Variants in USP6NL observed in about 807,000 individuals in gnomAD.
The protein encoded by USP6NL is USP6 N-terminal-like protein.
A neutral mutation model predicts 61.9 loss-of-function variants in USP6NL; 26 were observed. That is an observed-to-expected ratio of 0.42 (90% CI 0.31 to 0.58). USP6NL has a LOEUF of 0.58. Among genes scored for constraint, USP6NL ranks in the 20% least tolerant of loss-of-function variants. The pLI, the probability that USP6NL is intolerant of heterozygous loss-of-function variation, is 0.16. For missense variants in USP6NL, 1,114 were observed against 1,034.3 expected, an observed-to-expected ratio of 1.08 and a Z score of -1.06; for synonymous variants, 432 against 390.1, an observed-to-expected ratio of 1.11 and a Z score of -1.27.
In USP6NL at chr10:11,596,017, C is replaced by G. The variant is rs545598581; in HGVS notation, c.4+1614G>C. Among the ~76,000 whole-genome samples, 1 of 152,240 alleles carries G rather than the reference C, an allele frequency of 6.6e-6. No homozygotes were observed. The highest frequency in any genetic ancestry group is 1.9e-4 in the East Asian group (1 of 5,178). The stretch of plus-strand genomic sequence containing the variant: ...TTCCTCCCCTCTGCCTTCATCCTCG[C>G]AAGACTTTGATCTTTGTTTTCTAGG... On this transcript the variant is annotated intron_variant, in intron 2 of 14. Transcript: ENST00000609104. This position sits in a 1 kb window ranked among gnomAD's most constrained non-coding sequence, Gnocchi z 4.1.
Position 11,468,500 on chromosome 10 carries a change from C to T in USP6NL, c.1079-4651G>A, listed in dbSNP as rs537075421. 1.4e-4 allele frequency among the ~76,000 whole-genome samples: 21 copies of T among 152,346 alleles called. No homozygotes were observed. Among genetic ancestry groups the T allele is most frequent in the Non-Finnish European group, 2.4e-4 (16 of 68,030 alleles). On this transcript the variant is annotated intron_variant, in intron 14 of 14. Transcript: ENST00000609104. The surrounding 1 kb of genome is among the most constrained non-coding windows in gnomAD (Gnocchi z 4.5). Reference sequence around the variant, plus strand: ...TCAGAGGAGTGGTCCTGTCCTTCCCCTAGTTCTCATTCAAATACACAGAGG... The same window carrying T: ...TCAGAGGAGTGGTCCTGTCCTTCCCTTAGTTCTCATTCAAATACACAGAGG...
Position 11,528,826 on chromosome 10 carries a change from A to C in USP6NL, c.5-1259T>G, listed in dbSNP as rs1490507701. Among the ~76,000 whole-genome samples the C allele has an allele frequency of 1.3e-5, 2 of 152,192 alleles. No individual in the cohort carries two copies. Among genetic ancestry groups the C allele is most frequent in the Non-Finnish European group, 2.9e-5 (2 of 68,032 alleles). On this transcript the variant is annotated intron_variant, in intron 2 of 14. Coordinates refer to ENST00000609104, the MANE Select transcript of USP6NL (RefSeq NM_014688.5). This position sits in a 1 kb window ranked among gnomAD's most constrained non-coding sequence, Gnocchi z 4.6. ...CCTAAGGAGAGGTGGGGTTAAAAAC[A>C]AGGGAGCTGAGTAAAGGAAGTCAAA...
intron 2 of USP6NL, among the ~76,000 whole-genome samples, chr10:11,555,285 G>A (rs2133505256): frequency 6.7e-6 from 1 of 148,542 alleles, no homozygotes; most frequent in East Asian, 2.0e-4. Flanking sequence ...TATGGTGGCA[G>A]GCACCTGTAA....
rs1386873230 is a variant in USP6NL at position 11,528,367 on chromosome 10, T to C, written c.5-800A>G. Reference sequence around the variant, plus strand: ...GTTATGAGCAAGAAATTCCTAAAAGTAGCAACAGCAGTAACAACTGTAACA... The same window carrying C: ...GTTATGAGCAAGAAATTCCTAAAAGCAGCAACAGCAGTAACAACTGTAACA... On this transcript the variant is annotated intron_variant, in intron 2 of 14. Coordinates refer to ENST00000609104, the MANE Select transcript of USP6NL (RefSeq NM_014688.5). This position sits in a 1 kb window ranked among gnomAD's most constrained non-coding sequence, Gnocchi z 4.6. Among the ~76,000 whole-genome samples, 1 of 151,532 alleles carries C rather than the reference T, an allele frequency of 6.6e-6. No individual in the cohort carries two copies. Among genetic ancestry groups the C allele is most frequent in the Non-Finnish European group, 1.5e-5 (1 of 67,934 alleles).
intron 13 of USP6NL, among the ~76,000 whole-genome samples, chr10:11,483,655 GGAGAGGGGT>G (rs1204661724): frequency 7.8e-4 from 49 of 62,638 alleles, no homozygotes; most frequent in East Asian, 3.8e-3. Context: ...GGGAGAGGGG[GGAGAGGGGT>G]AGGGAGGGAG....
chr10:11,578,289 A>G (rs1837624420), intron 2 of USP6NL, among the ~76,000 whole-genome samples: 1 of 152,222 alleles, frequency 6.6e-6, no homozygotes, highest in Admixed American at 6.5e-5. Context: ...TTTATGAACA[A>G]TTCATTTCCT....
At chr10:11,508,564 G>C (rs1026624676) in intron 6 of USP6NL, among the ~76,000 whole-genome samples, 13 of 152,204 alleles carry the variant, frequency 8.5e-5, no homozygotes, top group African/African-American at 3.1e-4. Flanking sequence ...TGTGGAATTA[G>C]TGATTCCTCA....
At chr10:11,547,707 A>AT (rs1340640649) in intron 2 of USP6NL, among the ~76,000 whole-genome samples, 4 of 151,872 alleles carry the variant, frequency 2.6e-5, no homozygotes, top group Non-Finnish European at 5.9e-5. Flanking sequence ...CGCCCAGCTA[A>AT]TTTTTTGTAT....
intron 13 of USP6NL, among the ~76,000 whole-genome samples, chr10:11,484,190 G>A (rs117432257): frequency 0.036 from 5,426 of 152,230 alleles, 128 homozygotes; most frequent in Non-Finnish European, 0.05. Context: ...GTACGTGTAC[G>A]TATGAAGCTC....
rs149707103 is a variant in USP6NL at position 11,537,119 on chromosome 10, TG to T, written c.5-9553del. ...TCCAGGTTTTGTTTTTGGGGGATTT[TG>T]TTTGTTTTGAGACAAGGTCTCACTC... On this transcript the variant is annotated intron_variant, in intron 2 of 14. Coordinates refer to ENST00000609104, the MANE Select transcript of USP6NL (RefSeq NM_014688.5). The surrounding 1 kb of genome is among the most constrained non-coding windows in gnomAD (Gnocchi z 5.1). Among the ~76,000 whole-genome samples the T allele has an allele frequency of 0.078, 11,917 of 152,214 alleles. 665 individuals are homozygous for T. Among genetic ancestry groups the T allele is most frequent in the East Asian group, 0.16 (820 of 5,172 alleles).
chr10:11,475,267 G>A, intron 14 of USP6NL, among the ~76,000 whole-genome samples: 1 of 148,822 alleles, frequency 6.7e-6, no homozygotes, highest in South Asian at 2.1e-4. Flanking sequence ...CTTGATAAGG[G>A]AGGAAAAACT....
chr10:11,485,174 C>A lies in USP6NL; in HGVS notation c.820G>T (p.Asp274Tyr), dbSNP rs768454923. The A allele has an allele frequency of 6.5e-7, 1 of 1,538,492 alleles. No individual in the cohort carries two copies. The highest frequency in any genetic ancestry group is 1.3e-5 in the South Asian group (1 of 79,428). Residue 274 changes from aspartate (D) to tyrosine (Y), a missense_variant, in exon 12 of 15, where the codon GAT becomes TAT. By Grantham distance (160) the Asp-to-Tyr change is radical. Coordinates refer to ENST00000609104, the MANE Select transcript of USP6NL (RefSeq NM_014688.5). The surrounding 1 kb of genome is among the most constrained non-coding windows in gnomAD (Gnocchi z 4.8). ...TTTTGTAAATAAATACTTACACGAT[C>A]AAGGAAACACTGAAAAAACCATTTC... is the stretch of plus-strand genomic sequence containing the variant. ...TMKWFFQCFL[D>Y]RTPFTLNLRI...
rs531753452 is a variant in USP6NL at position 11,502,932 on chromosome 10, G to A, written c.277-1724C>T. On this transcript the variant is annotated intron_variant, in intron 6 of 14. Transcript: ENST00000609104. ...AGGAATATGTACAGAAAGGCTTCATGTTGACCATAAAACTAGACTCGCAAC... is the reference window on the plus strand; with the variant it reads ...AGGAATATGTACAGAAAGGCTTCATATTGACCATAAAACTAGACTCGCAAC... 5.3e-5 allele frequency among the ~76,000 whole-genome samples: 8 copies of A among 152,256 alleles called. No individual in the cohort carries two copies. In the East Asian group the frequency reaches 1.3e-3, roughly 26 times the overall value.
At chr10:11,579,937 G>A (rs1386348935) in intron 2 of USP6NL, among the ~76,000 whole-genome samples, 1 of 141,536 alleles carries the variant, frequency 7.1e-6, no homozygotes, top group African/African-American at 2.6e-5. Flanking sequence ...GTAGTTTGCA[G>A]ATTACAAACC....
chr10:11,602,529 G>A lies in USP6NL; in HGVS notation c.-83-4812C>T, dbSNP rs549677868. On this transcript the variant is annotated intron_variant, in intron 1 of 14. Coordinates refer to ENST00000609104, the MANE Select transcript of USP6NL (RefSeq NM_014688.5). The surrounding 1 kb of genome is among the most constrained non-coding windows in gnomAD (Gnocchi z 4.8). The stretch of plus-strand genomic sequence containing the variant: ...TGCCAAGAACAAAGCCAAGTCTCTC[G>A]CATCATGGAATGTACAGCACAGTAA... Among the ~76,000 whole-genome samples the A allele has an allele frequency of 6.6e-6, 1 of 152,206 alleles. No individual in the cohort carries two copies. Among genetic ancestry groups the A allele is most frequent in the East Asian group, 1.9e-4 (1 of 5,180 alleles).
chr10:11,468,676 C>A lies in USP6NL; in HGVS notation c.1079-4827G>T, dbSNP rs974462517. 2.6e-5 allele frequency among the ~76,000 whole-genome samples: 4 copies of A among 152,168 alleles called. No homozygotes were observed. Among genetic ancestry groups the A allele is most frequent in the Non-Finnish European group, 4.4e-5 (3 of 68,034 alleles). Reference sequence around the variant, plus strand: ...GGAGGTGTGGGAAAAATGCGGAACACCTTTGAGGAAAATGTTGCCATGGCA... The same window carrying A: ...GGAGGTGTGGGAAAAATGCGGAACAACTTTGAGGAAAATGTTGCCATGGCA... On this transcript the variant is annotated intron_variant, in intron 14 of 14. Coordinates refer to ENST00000609104, the MANE Select transcript of USP6NL (RefSeq NM_014688.5). This position sits in a 1 kb window ranked among gnomAD's most constrained non-coding sequence, Gnocchi z 4.5.
At position 11,600,359 on chromosome 10, in the gene USP6NL, C is replaced by T. The variant is rs1838478365; in HGVS notation, c.-83-2642G>A. Among the ~76,000 whole-genome samples the T allele has an allele frequency of 6.6e-6, 1 of 152,142 alleles. No homozygotes were observed. The highest frequency in any genetic ancestry group is 2.1e-4 in the South Asian group (1 of 4,834). ...AACAAGAAATGTATGCCCCAGGTAG[C>T]AATGGCCCACAATGAATAAATAACC... On this transcript the variant is annotated intron_variant, in intron 1 of 14. Transcript: ENST00000609104. This position sits in a 1 kb window ranked among gnomAD's most constrained non-coding sequence, Gnocchi z 4.1.
chr10:11,501,269 C>T lies in USP6NL; in HGVS notation c.277-61G>A, dbSNP rs1327211568. On this transcript the variant is annotated intron_variant, in intron 6 of 14. Transcript: ENST00000609104. Reference sequence around the variant, plus strand: ...TGAAAAAAACTTAGATTAGTCTCTACAGTTAATCTTGCTAATATTTGTTAG... The same window carrying T: ...TGAAAAAAACTTAGATTAGTCTCTATAGTTAATCTTGCTAATATTTGTTAG... The T allele has an allele frequency of 1.1e-5, 14 of 1,271,980 alleles. No individual in the cohort carries two copies. The African/African-American group carries it at 1.7e-4, about 15-fold the overall frequency. 78.8% of individuals were successfully genotyped at this position (1,271,980 alleles called of 1,614,324 possible).
rs375568598 is a variant in USP6NL at position 11,581,950 on chromosome 10, CGGTGGT to C, written c.4+15675_4+15680del. On this transcript the variant is annotated intron_variant, in intron 2 of 14. Transcript: ENST00000609104. ...ACCACGCCGGGCTAATTTTTGGTGGCGGTGGTGGTGGTGGTGGTTGTTGTTGTTTTT... is the reference window on the plus strand; with the variant it reads ...ACCACGCCGGGCTAATTTTTGGTGGCGGTGGTGGTGGTTGTTGTTGTTTTT... 1.4e-4 allele frequency among the ~76,000 whole-genome samples: 21 copies of C among 151,280 alleles called. No individual in the cohort carries two copies. The East Asian group carries it at 3.9e-3, about 28-fold the overall frequency.
Sources: allele counts gnomAD v4.1 joint callset (sites outside exome capture counted in the v4.1 genomes callset), GRCh38; gene constraint gnomAD v4.1.1; non-coding constraint Gnocchi (gnomAD v3.1); transcripts MANE v1.5; gene names NCBI Gene and HGNC (gene_info 2026-07-23, HGNC 2026-07-21).